The following LIPC variants were observed in gnomAD, a reference collection of about 807,000 sequenced individuals.
The protein encoded by LIPC is hepatic triacylglycerol lipase.
In LIPC, 44 loss-of-function variants were observed where a neutral mutation model predicts 50.7. That is an observed-to-expected ratio of 0.87 (90% CI 0.68 to 1.11). The LOEUF (loss-of-function observed/expected upper bound fraction) is 1.11, where lower values mean the gene tolerates loss of function less well. LIPC is among the 50% of genes most tolerant of loss of function. The probability of loss-of-function intolerance (pLI) is 0.00; values close to 1 mark genes in which losing one functional copy is unlikely to be tolerated. For synonymous variants in LIPC, 271 were observed against 256.4 expected (o/e 1.06, Z -0.54); for missense variants, 697 against 648.2 (o/e 1.08, Z -0.82).
chr15:58,545,003 C>T (rs142175869), intron 4 of LIPC, among the ~76,000 whole-genome samples: 80 of 152,272 alleles, frequency 5.3e-4, no homozygotes, highest in African/African-American at 1.5e-3. Flanking sequence ...AAATGTCCCG[C>T]GGCTGTTCTG....
intron 8 of LIPC, chr15:58,566,014 C>T: frequency 4.1e-6 from 4 of 985,068 alleles, no homozygotes; most frequent in Non-Finnish European, 4.8e-6. Context: ...CGGTGTGGTC[C>T]ATCCCAGGGC....
chr15:58,477,473 T>G (rs534258157), intron 1 of LIPC, among the ~76,000 whole-genome samples: 1 of 152,326 alleles, frequency 6.6e-6, no homozygotes, highest in Non-Finnish European at 1.5e-5. Flanking sequence ...CTTATGGACA[T>G]TCTATGAGCC....
intron 1 of LIPC, among the ~76,000 whole-genome samples, chr15:58,510,802 A>C (rs1386287024): frequency 6.6e-6 from 1 of 152,268 alleles, no homozygotes; most frequent in Non-Finnish European, 1.5e-5. Flanking sequence ...GAAATACTAT[A>C]ATAAACAAGT....
chr15:58,542,510 C>A, intron 3 of LIPC, 24 bp from the exon 4 acceptor site: 2 of 1,483,334 alleles, frequency 1.3e-6, no homozygotes, highest in Non-Finnish European at 1.9e-6. Context: ...CTTCTCCTGC[C>A]CCCATCCCGC....
chr15:58,454,090 G>A (rs1447187384), intron 1 of LIPC, among the ~76,000 whole-genome samples: 2 of 152,184 alleles, frequency 1.3e-5, no homozygotes, highest in South Asian at 2.1e-4. Flanking sequence ...CACATGCAGA[G>A]GTGATGGCAA....
chr15:58,461,845 C>T lies in LIPC; in HGVS notation c.88+29725C>T, dbSNP rs1380209149. ...GGATGCCCTTGTCTCCCCCCGGTTCCGATTCCCTTCAAATTCCAGCTCCTT... is the reference window on the plus strand; with the variant it reads ...GGATGCCCTTGTCTCCCCCCGGTTCTGATTCCCTTCAAATTCCAGCTCCTT... On this transcript the variant is annotated intron_variant, in intron 1 of 8. Transcript: ENST00000299022. Among the ~76,000 whole-genome samples the T allele has an allele frequency of 3.9e-5, 6 of 152,210 alleles. No individual in the cohort carries two copies. In the South Asian group the frequency reaches 6.2e-4, roughly 16 times the overall value.
chr15:58,456,518 G>C (rs572670716), intron 1 of LIPC, among the ~76,000 whole-genome samples: 22 of 152,258 alleles, frequency 1.4e-4, no homozygotes, highest in African/African-American at 5.1e-4. Context: ...CATCTCCCCT[G>C]ATGCAGCCCA....
At chr15:58,505,683 C>G (rs144280800) in intron 1 of LIPC, among the ~76,000 whole-genome samples, 2 of 152,340 alleles carry the variant, frequency 1.3e-5, no homozygotes, top group East Asian at 3.9e-4. Context: ...CTCCCTTCAA[C>G]ACATCCTCAA....
At chr15:58,463,107 G>A (rs1894414979) in intron 1 of LIPC, among the ~76,000 whole-genome samples, 2 of 152,178 alleles carry the variant, frequency 1.3e-5, no homozygotes. Context: ...GGCAGCCAAG[G>A]GCCAGCTCCC....
intron 1 of LIPC, among the ~76,000 whole-genome samples, chr15:58,532,871 G>A (rs1892999925): frequency 6.6e-6 from 1 of 152,198 alleles, no homozygotes; most frequent in South Asian, 2.1e-4. Flanking sequence ...AAACCTAGGA[G>A]TTAACTAGGA....
intron 1 of LIPC, among the ~76,000 whole-genome samples, chr15:58,513,884 G>A (rs1291257726): frequency 3.3e-5 from 5 of 152,244 alleles, no homozygotes; most frequent in Non-Finnish European, 5.9e-5. Context: ...TCCAAACCTC[G>A]GGGCCATTTG....
chr15:58,491,121 G>C (rs1566927290), intron 1 of LIPC, among the ~76,000 whole-genome samples: 2 of 152,186 alleles, frequency 1.3e-5, no homozygotes, highest in Non-Finnish European at 2.9e-5. Context: ...CTTAGCTCCT[G>C]ACAGCCAGGC....
intron 8 of LIPC, among the ~76,000 whole-genome samples, chr15:58,568,234 C>T (rs1894451832): frequency 6.6e-6 from 1 of 152,152 alleles, no homozygotes; most frequent in Non-Finnish European, 1.5e-5. Flanking sequence ...AGGGCTGAGC[C>T]AGGCAGAAAC....
intron 1 of LIPC, among the ~76,000 whole-genome samples, chr15:58,445,761 G>C (rs1595853431): frequency 6.6e-6 from 1 of 152,320 alleles, no homozygotes; most frequent in Non-Finnish European, 1.5e-5. Context: ...TCAGTCATTA[G>C]TAAAGAGAAG....
At chr15:58,439,256 T>C (rs12900622) in intron 1 of LIPC, among the ~76,000 whole-genome samples, 16,083 of 152,248 alleles carry the variant, frequency 0.11, 1,125 homozygotes, top group South Asian at 0.17. Context: ...GTCCGTTGAG[T>C]TTGTATCTGA....
chr15:58,497,731 G>C (rs1891823874), intron 1 of LIPC: 1 of 152,258 alleles, frequency 6.6e-6, no homozygotes, highest in Non-Finnish European at 1.5e-5. Flanking sequence ...CTCCATCGCA[G>C]ACACCTTCAC....
chr15:58,518,967 G>GA lies in LIPC; in HGVS notation c.89-19362dup, dbSNP rs1423466937. On this transcript the variant is annotated intron_variant, in intron 1 of 8. Coordinates refer to ENST00000299022, the MANE Select transcript of LIPC (RefSeq NM_000236.3). ...AAAAAAAAAAGAAAGAAAAAGAAAA[G>GA]AAAAGAATGTTGACTCTAGAACCAA... Among the ~76,000 whole-genome samples, 4 of 151,732 alleles carry GA rather than the reference G, an allele frequency of 2.6e-5. No individual in the cohort carries two copies. The East Asian group carries it at 7.7e-4, about 29-fold the overall frequency.
In LIPC at chr15:58,470,634, C is replaced by G. The variant is rs867575210; in HGVS notation, c.88+38514C>G. ...TTTTTGGTAGAGACGAAATCTCGCT[C>G]TGTCACCCAGGCTGGAGTTCTGTGG... On this transcript the variant is annotated intron_variant, in intron 1 of 8. Transcript: ENST00000299022. Among the ~76,000 whole-genome samples, 44 of 146,348 alleles carry G rather than the reference C, an allele frequency of 3.0e-4. 1 individual carries two copies. Among genetic ancestry groups the G allele is most frequent in the African/African-American group, 1.1e-3 (42 of 39,768 alleles).
chr15:58,523,544 G>A (rs74981309), intron 1 of LIPC, among the ~76,000 whole-genome samples: 18,796 of 148,940 alleles, frequency 0.13, 1,561 homozygotes, highest in Non-Finnish European at 0.2. Flanking sequence ...GGGGCTGCAG[G>A]GGTAGGTGAA....
Sources: gnomAD v4.1 joint callset for allele counts (sites outside exome capture counted in the v4.1 genomes callset) on GRCh38, gnomAD v4.1.1 for gene constraint, MANE v1.5 for transcripts, NCBI Gene and HGNC (gene_info 2026-07-23, HGNC 2026-07-21) for gene names.